The following CNTN4 variants were observed in gnomAD, a reference collection of about 807,000 sequenced individuals.
The protein encoded by CNTN4 is contactin-4.
A neutral mutation model predicts 122.5 loss-of-function variants in CNTN4; 77 were observed. The ratio of observed to expected loss-of-function variants is 0.63; its 90% confidence interval spans 0.52 to 0.76. The LOEUF (loss-of-function observed/expected upper bound fraction) is 0.76, where lower values mean the gene tolerates loss of function less well. Ranked by LOEUF, CNTN4 falls within the 30% of genes least tolerant of loss-of-function variation. The pLI, the probability that CNTN4 is intolerant of heterozygous loss-of-function variation, is 0.00. For synonymous variants in CNTN4, 512 were observed against 447.0 expected (o/e 1.15, Z -1.83); for missense variants, 1,256 against 1,259.1 (o/e 1.00, Z 0.04).
chr3:3,014,838 A>G (rs1192033054), intron 14 of CNTN4, among the ~76,000 whole-genome samples: 2 of 151,532 alleles, frequency 1.3e-5, no homozygotes, highest in Non-Finnish European at 2.9e-5. Flanking sequence ...TCTGAAAATA[A>G]ACTAAATTAA....
chr3:3,004,033 TA>T (rs1696347732), intron 14 of CNTN4, among the ~76,000 whole-genome samples: 1 of 152,166 alleles, frequency 6.6e-6, no homozygotes, highest in Non-Finnish European at 1.5e-5. Context: ...GCTGTAGGAT[TA>T]CAGGTGTGAG....
rs565765348 is a variant in CNTN4, at chr3:2,352,470, G to A, written c.-89+13237G>A. On this transcript the variant is annotated intron_variant, in intron 3 of 24. Coordinates refer to ENST00000418658, the MANE Select transcript of CNTN4 (RefSeq NM_175607.3). The stretch of plus-strand genomic sequence containing the variant: ...AGTTCCGGGTAGGTGCAGGCTCCAC[G>A]GGCCCCACACTCAGAGTGGCAGGCC... Among the ~76,000 whole-genome samples the A allele has an allele frequency of 2.5e-3, 388 of 152,314 alleles. 1 individual carries two copies. Among genetic ancestry groups the A allele is most frequent in the African/African-American group, 7.1e-3 (295 of 41,580 alleles).
intron 2 of CNTN4, among the ~76,000 whole-genome samples, chr3:2,331,887 C>G (rs538908795): frequency 2.0e-5 from 3 of 152,148 alleles, no homozygotes; most frequent in Non-Finnish European, 4.4e-5. Flanking sequence ...AGTCCCCTGC[C>G]GCTGGGCTGC....
chr3:2,181,102 G>T (rs2036993840), intron 2 of CNTN4, among the ~76,000 whole-genome samples: 2 of 152,078 alleles, frequency 1.3e-5, no homozygotes, highest in Admixed American at 6.5e-5. Flanking sequence ...AAGTGAACTT[G>T]CAAAATCATT....
intron 4 of CNTN4, among the ~76,000 whole-genome samples, chr3:2,667,550 A>G (rs2150345123): frequency 6.6e-6 from 1 of 152,088 alleles, no homozygotes. Flanking sequence ...TTCCCTATTC[A>G]CTGTGATGGT....
chr3:2,997,545 T>C (rs1232004735), intron 14 of CNTN4, among the ~76,000 whole-genome samples: 1 of 152,214 alleles, frequency 6.6e-6, no homozygotes. Flanking sequence ...GAGGCAGTCC[T>C]ACCAAATCAC....
chr3:2,797,621 G>A (rs1039385190), intron 6 of CNTN4, among the ~76,000 whole-genome samples: 4 of 152,076 alleles, frequency 2.6e-5, no homozygotes, highest in African/African-American at 4.8e-5. Context: ...AAAAACAAAA[G>A]CAAACTCCAA....
chr3:2,798,796 CCA>C (rs2092275706), intron 6 of CNTN4, among the ~76,000 whole-genome samples: 1 of 152,178 alleles, frequency 6.6e-6, no homozygotes, highest in Non-Finnish European at 1.5e-5. Flanking sequence ...CAGGTGTTAG[CCA>C]CTGCACCCAG....
At chr3:2,768,697 C>G (rs879810188) in intron 6 of CNTN4, among the ~76,000 whole-genome samples, 10 of 152,206 alleles carry the variant, frequency 6.6e-5, no homozygotes, top group Non-Finnish European at 1.5e-4. Context: ...GCTTCACTTT[C>G]TCCTTAATAA....
chr3:2,697,226 A>T (rs962862274), intron 4 of CNTN4, among the ~76,000 whole-genome samples: 3 of 152,244 alleles, frequency 2.0e-5, no homozygotes, highest in Admixed American at 1.3e-4. Context: ...GAGAGCCTGT[A>T]GTATTGAGTA....
Position 2,819,510 on chromosome 3 carries a change from C to A in CNTN4, c.383C>A (p.Thr128Lys). 6.2e-7 allele frequency: 1 copy of A among 1,614,064 alleles called. No homozygotes were observed. Among genetic ancestry groups the A allele is most frequent in the Non-Finnish European group, 8.5e-7 (1 of 1,179,920 alleles). The stretch of plus-strand genomic sequence containing the variant: ...GATCTTGACAACTTTAAAACAAGAA[C>A]AAGAAGCACTGTGTCTGTCCGTCGA... Reference protein sequence around the residue: ...FAYLDNFKTRTRSTVSVRRGQ... With the variant: ...FAYLDNFKTRKRSTVSVRRGQ... Residue 128 changes from threonine (T) to lysine (K), a missense_variant, in exon 7 of 25, where the codon ACA becomes AAA. Coordinates refer to ENST00000418658, the MANE Select transcript of CNTN4 (RefSeq NM_175607.3).
intron 2 of CNTN4, among the ~76,000 whole-genome samples, chr3:2,188,729 G>C (rs1240267175): frequency 6.6e-6 from 1 of 152,142 alleles, no homozygotes; most frequent in East Asian, 1.9e-4. Flanking sequence ...GCTGGTGCTG[G>C]GCCTTGGGGT....
intron 4 of CNTN4, among the ~76,000 whole-genome samples, chr3:2,701,079 T>C (rs2086332309): frequency 6.6e-6 from 1 of 152,192 alleles, no homozygotes; most frequent in Non-Finnish European, 1.5e-5. Context: ...TCTTATAATA[T>C]TCCATACTTA....
intron 6 of CNTN4, among the ~76,000 whole-genome samples, chr3:2,779,865 ATAGAG>A (rs1171492477): frequency 3.3e-5 from 5 of 152,240 alleles, no homozygotes; most frequent in African/African-American, 1.2e-4. Flanking sequence ...TAATTGGCTA[ATAGAG>A]TAGAGTAGCA....
At chr3:2,333,858 C>T (rs1178536) in intron 2 of CNTN4, among the ~76,000 whole-genome samples, 122,465 of 152,092 alleles carry the variant, frequency 0.81, 50,341 homozygotes, top group East Asian at 1. Flanking sequence ...TTAGTATCTA[C>T]ATGACCTTTA....
At chr3:2,640,456 G>A (rs1259720645) in intron 4 of CNTN4, among the ~76,000 whole-genome samples, 1 of 152,162 alleles carries the variant, frequency 6.6e-6, no homozygotes. Flanking sequence ...CTGAGGAAAT[G>A]GTGAATTGAT....
At chr3:2,974,464 C>T (rs950832120) in intron 13 of CNTN4, among the ~76,000 whole-genome samples, 1 of 152,108 alleles carries the variant, frequency 6.6e-6, no homozygotes, top group Non-Finnish European at 1.5e-5. Context: ...TCACAAAAAA[C>T]CTATGAAATT....
chr3:2,222,811 G>C (rs1049890277), intron 2 of CNTN4, among the ~76,000 whole-genome samples: 5 of 152,110 alleles, frequency 3.3e-5, no homozygotes, highest in African/African-American at 1.2e-4. Context: ...TTGTAAGTCA[G>C]ATTGTCATTC....
At chr3:2,365,118 G>A (rs908399012) in intron 3 of CNTN4, among the ~76,000 whole-genome samples, 2 of 152,016 alleles carry the variant, frequency 1.3e-5, no homozygotes, top group Admixed American at 6.5e-5. Flanking sequence ...TATGATGACA[G>A]AAAAGACTGT....
Sources: allele counts gnomAD v4.1 joint callset (sites outside exome capture counted in the v4.1 genomes callset), GRCh38; gene constraint gnomAD v4.1.1; transcripts MANE v1.5; gene names NCBI Gene and HGNC (gene_info 2026-07-23, HGNC 2026-07-21).